The following TMEM181 variants were observed in gnomAD, a reference collection of about 807,000 sequenced individuals.
TMEM181 encodes the protein G protein-coupled receptor 178.
Under a neutral mutation model 71.9 loss-of-function variants are expected in TMEM181, and 39 were observed. The ratio of observed to expected loss-of-function variants is 0.54; its 90% CI spans 0.42 to 0.71. TMEM181 has a LOEUF of 0.71. Ranked by LOEUF, TMEM181 falls within the 30% of genes least tolerant of loss-of-function variation. The pLI is 0.00. For missense variants in TMEM181, 595 were observed against 583.0 expected (o/e 1.02, Z -0.21); for synonymous variants, 245 against 228.8 (o/e 1.07, Z -0.64).
chr6:158,600,485 T>C (rs1784611549), intron 6 of TMEM181, among the ~76,000 whole-genome samples: 2 of 94,830 alleles, frequency 2.1e-5, no homozygotes, highest in African/African-American at 4.1e-5. Flanking sequence ...TTTTTTTTTT[T>C]TGGAGATGGA....
At chr6:158,609,860 T>G (rs1175614436) in intron 10 of TMEM181, 2 of 237,388 alleles carry the variant, frequency 8.4e-6, no homozygotes, top group African/African-American at 2.3e-5. Context: ...AGGGAGGAAG[T>G]AGGGAGCATC....
At chr6:158,611,288 T>C (rs1301666043) in intron 10 of TMEM181, 5 of 498,914 alleles carry the variant, frequency 1.0e-5, no homozygotes, top group South Asian at 6.0e-5. Context: ...CCTTCACTCC[T>C]AGCTGGTCCT....
rs187302998 is a variant in TMEM181 at position 158,582,023 on chromosome 6, G to A, written c.168+1028G>A. On this transcript the variant is annotated intron_variant, in intron 3 of 16. Transcript: ENST00000684151. ...TCTCTGTTCTCACACTTCCCTGCTA[G>A]TTTTCTACCCTTATAATTTTGCAAA... Among the ~76,000 whole-genome samples the A allele has an allele frequency of 2.4e-3, 361 of 152,088 alleles. 3 individuals are homozygous for A. Among genetic ancestry groups the A allele is most frequent in the African/African-American group, 8.0e-3 (331 of 41,472 alleles).
At chr6:158,572,246 C>T (rs1782896031) in intron 1 of TMEM181, among the ~76,000 whole-genome samples, 1 of 152,204 alleles carries the variant, frequency 6.6e-6, no homozygotes, top group African/African-American at 2.4e-5. Flanking sequence ...GGGATGTGGG[C>T]ACGCAGGCCC....
chr6:158,537,416 G>A (rs1399654749), intron 1 of TMEM181, among the ~76,000 whole-genome samples: 2 of 152,216 alleles, frequency 1.3e-5, no homozygotes, highest in Non-Finnish European at 1.5e-5. Flanking sequence ...GGGGCGCCAT[G>A]CGGGGACACG....
chr6:158,599,070 G>A (rs891022424), intron 6 of TMEM181, among the ~76,000 whole-genome samples: 5 of 152,160 alleles, frequency 3.3e-5, no homozygotes, highest in African/African-American at 9.7e-5. Context: ...CGTCCCTCCC[G>A]CGGTCTGTTT....
upstream of TMEM181, among the ~76,000 whole-genome samples, chr6:158,555,578 T>C (rs1781854314): frequency 6.6e-6 from 1 of 152,238 alleles, no homozygotes; most frequent in African/African-American, 2.4e-5. Flanking sequence ...AGAGGTGTTT[T>C]TAGAGAATTC....
intron 2 of TMEM181, among the ~76,000 whole-genome samples, chr6:158,579,484 G>A (rs1783351903): frequency 6.6e-6 from 1 of 151,986 alleles, no homozygotes; most frequent in Non-Finnish European, 1.5e-5. Flanking sequence ...CACTTTGGGA[G>A]GGAGAGGTGT....
chr6:158,583,228 C>T (rs1275243232), intron 3 of TMEM181, among the ~76,000 whole-genome samples: 1 of 151,940 alleles, frequency 6.6e-6, no homozygotes, highest in Non-Finnish European at 1.5e-5. Flanking sequence ...GCTAGACTCC[C>T]GTCTCAAAAA....
chr6:158,626,478 G>A, intron 13 of TMEM181: 1 of 456,618 alleles, frequency 2.2e-6, no homozygotes, highest in South Asian at 1.5e-5. Flanking sequence ...TCCTTTATGA[G>A]TGACAAGGGG....
intron 2 of TMEM181, among the ~76,000 whole-genome samples, chr6:158,577,256 G>A (rs1404658410): frequency 1.3e-5 from 2 of 152,044 alleles, no homozygotes; most frequent in Non-Finnish European, 2.9e-5. Flanking sequence ...AGAAAACAAT[G>A]TATGAATAAA....
intron 1 of TMEM181, among the ~76,000 whole-genome samples, chr6:158,543,092 G>A (rs566079752): frequency 1.3e-5 from 2 of 152,022 alleles, no homozygotes; most frequent in South Asian, 4.1e-4. Flanking sequence ...AGCCAGGATA[G>A]TTTCGATCTC....
chr6:158,561,263 C>G (rs1318260419), intron 1 of TMEM181, among the ~76,000 whole-genome samples: 1 of 152,206 alleles, frequency 6.6e-6, no homozygotes, highest in Non-Finnish European at 1.5e-5. Context: ...CTTCTGCTTC[C>G]TTAGAAGTTT....
At chr6:158,615,616 A>C (rs1785569739) in intron 10 of TMEM181, among the ~76,000 whole-genome samples, 1 of 152,172 alleles carries the variant, frequency 6.6e-6, no homozygotes, top group African/African-American at 2.4e-5. Flanking sequence ...TTATGGTTTT[A>C]GGTCTAACAT....
intron 1 of TMEM181, among the ~76,000 whole-genome samples, chr6:158,537,311 C>G (rs1437762997): frequency 6.6e-6 from 1 of 152,066 alleles, no homozygotes; most frequent in Non-Finnish European, 1.5e-5. Context: ...GGGTCTTGGC[C>G]GCAGCTCTGA....
At chr6:158,567,754 T>A (rs1782589940) in intron 1 of TMEM181, among the ~76,000 whole-genome samples, 1 of 152,202 alleles carries the variant, frequency 6.6e-6, no homozygotes, top group African/African-American at 2.4e-5. Context: ...GGGCAAGTAA[T>A]GGAACCTTCC....
chr6:158,547,686 T>C (rs1219977613), intron 1 of TMEM181, among the ~76,000 whole-genome samples: 1 of 151,730 alleles, frequency 6.6e-6, no homozygotes, highest in African/African-American at 2.4e-5. Flanking sequence ...CTCCACCTCT[T>C]TGCACTGGAT....
At chr6:158,540,429 C>T (rs1469236414) in intron 1 of TMEM181, among the ~76,000 whole-genome samples, 1 of 152,194 alleles carries the variant, frequency 6.6e-6, no homozygotes, top group African/African-American at 2.4e-5. Flanking sequence ...GTGTTCCTAA[C>T]AGCACAGGTT....
intron 6 of TMEM181, among the ~76,000 whole-genome samples, chr6:158,599,935 C>T (rs4709226): frequency 0.36 from 53,996 of 152,004 alleles, 10,594 homozygotes; most frequent in East Asian, 0.75. Context: ...AGAGTCAGAA[C>T]ATGTGGAAAT....
Sources: gnomAD v4.1 joint callset for allele counts (sites outside exome capture counted in the v4.1 genomes callset) on GRCh38, gnomAD v4.1.1 for gene constraint, MANE v1.5 for transcripts, NCBI Gene and HGNC (gene_info 2026-07-23, HGNC 2026-07-21) for gene names.